TBC1D8: variants seen among roughly 807,000 people sequenced by gnomAD.
TBC1D8 encodes the protein BUB2-like protein 1.
In TBC1D8, 65 loss-of-function variants were observed where a neutral mutation model predicts 118.8. That is an observed-to-expected ratio of 0.55 (90% CI 0.45 to 0.67). The LOEUF is 0.67. TBC1D8 is among the 30% of genes least tolerant of loss of function. The probability of loss-of-function intolerance (pLI) is 0.00; values close to 1 mark genes in which losing one functional copy is unlikely to be tolerated. For synonymous variants in TBC1D8, 566 were observed against 595.8 expected (o/e 0.95, Z 0.73); for missense variants, 1,376 against 1,471.2 (o/e 0.94, Z 1.06).
intron 17 of TBC1D8, among the ~76,000 whole-genome samples, chr2:101,013,118 A>G (rs541314685): frequency 4.3e-4 from 66 of 152,326 alleles, no homozygotes; most frequent in African/African-American, 1.6e-3. Context: ...GGGGTGGGCA[A>G]GTGTCCAGAA....
intron 1 of TBC1D8, among the ~76,000 whole-genome samples, chr2:101,143,594 C>T (rs1226880895): frequency 6.6e-6 from 1 of 152,180 alleles, no homozygotes; most frequent in African/African-American, 2.4e-5. Flanking sequence ...GGGTCTCACT[C>T]CAATGTCCAG....
chr2:101,029,903 G>A, intron 11 of TBC1D8, 127 bp from the exon 12 acceptor site: 1 of 938,732 alleles, frequency 1.1e-6, no homozygotes, highest in South Asian at 1.8e-5. Context: ...AAGCGTCCAT[G>A]CTTAGTTCAT....
chr2:101,051,762 C>G (rs965084079), intron 4 of TBC1D8, among the ~76,000 whole-genome samples: 3 of 152,134 alleles, frequency 2.0e-5, no homozygotes, highest in African/African-American at 7.2e-5. Flanking sequence ...TAATGAGATG[C>G]TACCTCATAC....
intron 1 of TBC1D8, among the ~76,000 whole-genome samples, chr2:101,140,463 C>A (rs1425956640): frequency 6.6e-6 from 1 of 152,094 alleles, no homozygotes; most frequent in East Asian, 1.9e-4. Context: ...AATCACGGCC[C>A]CTGGGCAATG....
chr2:101,111,434 C>A lies in TBC1D8; in HGVS notation c.128-21070G>T, dbSNP rs1574053493. Among the ~76,000 whole-genome samples, 5 of 152,302 alleles carry A rather than the reference C, an allele frequency of 3.3e-5. 1 individual carries two copies. Among genetic ancestry groups the A allele is most frequent in the Admixed American group, 3.3e-4 (5 of 15,298 alleles). ...CATCATGGCTGGTGGAACGAGCCTG[C>A]CGAATCCACAACACGAATGCCTGAG... On this transcript the variant is annotated intron_variant, in intron 1 of 19. Transcript: ENST00000409318.
intron 19 of TBC1D8, among the ~76,000 whole-genome samples, chr2:101,010,466 T>C (rs181472188): frequency 1.2e-4 from 19 of 152,344 alleles, no homozygotes; most frequent in Non-Finnish European, 2.5e-4. Context: ...GCGATTTGAA[T>C]ATCTGAAGTA....
intron 9 of TBC1D8, 70 bp from the exon 10 acceptor site, chr2:101,033,828 G>A: frequency 6.5e-7 from 1 of 1,527,378 alleles, no homozygotes; most frequent in Admixed American, 1.9e-5. Context: ...GAAGATGCTG[G>A]TCCCATCAGG....
At chr2:101,046,172 G>A (rs1681691256) in intron 5 of TBC1D8, among the ~76,000 whole-genome samples, 1 of 152,264 alleles carries the variant, frequency 6.6e-6, no homozygotes, top group African/African-American at 2.4e-5. Flanking sequence ...ACCCCCCCAG[G>A]AGTCCTAAGG....
At chr2:101,050,829 G>C (rs189379262) in intron 4 of TBC1D8, among the ~76,000 whole-genome samples, 188 bp from the exon 5 acceptor site, 1 of 152,244 alleles carries the variant, frequency 6.6e-6, no homozygotes, top group Admixed American at 6.5e-5. Context: ...ATGTCATGCG[G>C]GTTTGCTGTA....
At chr2:101,049,590 TGGTGGTGGGC>T (rs1681922633) in intron 5 of TBC1D8, among the ~76,000 whole-genome samples, 4 of 151,692 alleles carry the variant, frequency 2.6e-5, no homozygotes, top group African/African-American at 4.8e-5. Flanking sequence ...TAGCTGGGCG[TGGTGGTGGGC>T]ACCTGTAGTC....
intron 5 of TBC1D8, among the ~76,000 whole-genome samples, chr2:101,045,175 A>G (rs774585753): frequency 6.6e-6 from 1 of 152,240 alleles, no homozygotes; most frequent in African/African-American, 2.4e-5. Flanking sequence ...CAAGACAACT[A>G]TGCAGAAGAT....
chr2:101,123,261 G>T (rs188800575), intron 1 of TBC1D8, among the ~76,000 whole-genome samples: 5 of 152,212 alleles, frequency 3.3e-5, no homozygotes, highest in African/African-American at 1.2e-4. Context: ...TTTCTAGATA[G>T]AAGATCATAT....
chr2:101,135,454 A>G (rs1678813176), intron 1 of TBC1D8, among the ~76,000 whole-genome samples: 1 of 151,970 alleles, frequency 6.6e-6, no homozygotes, highest in Non-Finnish European at 1.5e-5. Context: ...CTCACCTAAC[A>G]GCAATCCCCC....
chr2:101,097,216 G>C (rs1489942159), intron 1 of TBC1D8, among the ~76,000 whole-genome samples: 1 of 152,010 alleles, frequency 6.6e-6, no homozygotes, highest in Non-Finnish European at 1.5e-5. Context: ...TCTATATCCA[G>C]TGAAATTATC....
At chr2:101,135,891 T>C (rs1678835825) in intron 1 of TBC1D8, among the ~76,000 whole-genome samples, 1 of 152,198 alleles carries the variant, frequency 6.6e-6, no homozygotes, top group South Asian at 2.1e-4. Context: ...TTTTTGGTTT[T>C]TGTGTTTTTG....
At position 101,050,484 on chromosome 2, in the gene TBC1D8, G is replaced by A. The variant is rs187669372; in HGVS notation, c.789C>T (p.Ala263=). Residue 263 remains alanine, a synonymous_variant, in exon 5 of 20, where the codon GCC becomes GCT. Coordinates refer to ENST00000409318, the MANE Select transcript of TBC1D8 (RefSeq NM_001330348.2). ...DEVFKVMEQL[A]DVTLRRLLDN... ...CCAGCAGCCTTCGCAGCGTCACGTCGGCCAGCTGCTCCATGACCTTAAACA... is the reference window on the plus strand; with the variant it reads ...CCAGCAGCCTTCGCAGCGTCACGTCAGCCAGCTGCTCCATGACCTTAAACA... 2.7e-4 allele frequency: 437 copies of A among 1,613,836 alleles called. 5 individuals carry two copies. The South Asian group carries it at 3.4e-3, about 13-fold the overall frequency.
chr2:101,137,390 G>C (rs1678902271), intron 1 of TBC1D8, among the ~76,000 whole-genome samples: 1 of 151,538 alleles, frequency 6.6e-6, no homozygotes, highest in African/African-American at 2.4e-5. Context: ...TCGGCTCACT[G>C]CAAGCTCCGC....
intron 1 of TBC1D8, among the ~76,000 whole-genome samples, chr2:101,108,248 G>A (rs758867734): frequency 6.6e-5 from 10 of 152,034 alleles, no homozygotes; most frequent in Non-Finnish European, 1.5e-4. Context: ...TAAAATACAG[G>A]ACCAGCATTT....
In TBC1D8 at chr2:101,033,668, A is replaced by G; in HGVS notation, c.1694T>C (p.Ile565Thr). ...LGKCCLVTEE[I>T]ERDLHRSLPE... The stretch of plus-strand genomic sequence containing the variant: ...CAGGGAGCGGTGCAGGTCTCGTTCT[A>G]TCTCCTCGGTTACCAGGCAGCATTT... The change falls in exon 10 of 20, where the codon ATA becomes ACA. Residue 565 changes from isoleucine (I) to threonine (T), a missense_variant. Physicochemically the swap from Ile to Thr is moderately conservative, Grantham distance 89. Transcript: ENST00000409318. 3.1e-6 allele frequency: 5 copies of G among 1,613,846 alleles called. No homozygotes were observed. The South Asian group carries it at 4.4e-5, about 14-fold the overall frequency.
Sources: gnomAD v4.1 joint callset for allele counts (sites outside exome capture counted in the v4.1 genomes callset) on GRCh38, gnomAD v4.1.1 for gene constraint, MANE v1.5 for transcripts, NCBI Gene and HGNC (gene_info 2026-07-23, HGNC 2026-07-21) for gene names.